The following LRRTM4 variants were observed in gnomAD, a reference collection of about 807,000 sequenced individuals.
The protein encoded by LRRTM4 is leucine-rich repeat transmembrane neuronal protein 4.
A neutral mutation model predicts 47.6 loss-of-function variants in LRRTM4; 25 were observed. That is an observed-to-expected ratio of 0.53 (90% CI 0.38 to 0.73). The LOEUF (loss-of-function observed/expected upper bound fraction) is 0.73. Ranked by LOEUF, LRRTM4 falls within the 30% of genes least tolerant of loss-of-function variation. The probability of loss-of-function intolerance (pLI) is 0.00; values close to 1 mark genes in which losing one functional copy is unlikely to be tolerated. For synonymous variants in LRRTM4, 311 were observed against 269.5 expected (o/e 1.15, Z -1.51); for missense variants, 638 against 713.4 (o/e 0.89, Z 1.20).
At chr2:77,305,904 GAAGGC>G (rs1677257755) in intron 3 of LRRTM4, among the ~76,000 whole-genome samples, 2 of 151,934 alleles carry the variant, frequency 1.3e-5, no homozygotes, top group Non-Finnish European at 2.9e-5. Flanking sequence ...ACAATATTTT[GAAGGC>G]ATACATAAGC....
At chr2:77,435,161 G>T (rs1360583777) in intron 3 of LRRTM4, among the ~76,000 whole-genome samples, 1 of 151,874 alleles carries the variant, frequency 6.6e-6, no homozygotes, top group Non-Finnish European at 1.5e-5. Flanking sequence ...TCTCTGGGGG[G>T]CAAAAGAGCC....
intron 3 of LRRTM4, among the ~76,000 whole-genome samples, chr2:76,844,304 T>C (rs993278100): frequency 2.0e-5 from 3 of 151,882 alleles, no homozygotes; most frequent in Non-Finnish European, 4.4e-5. Context: ...CCGGCTAATT[T>C]TTTTGTATTT....
At chr2:77,375,875 A>G (rs538736545) in intron 3 of LRRTM4, among the ~76,000 whole-genome samples, 1 of 151,930 alleles carries the variant, frequency 6.6e-6, no homozygotes, top group African/African-American at 2.4e-5. Flanking sequence ...GGCTATAGAA[A>G]TCACCTTGCA....
At chr2:77,423,385 C>T (rs187536678) in intron 3 of LRRTM4, among the ~76,000 whole-genome samples, 76 of 152,086 alleles carry the variant, frequency 5.0e-4, no homozygotes, top group African/African-American at 1.7e-3. Context: ...ATTACTGATA[C>T]ATGAAGACAA....
intron 3 of LRRTM4, among the ~76,000 whole-genome samples, chr2:77,413,625 C>T (rs949938365): frequency 6.6e-6 from 1 of 152,024 alleles, no homozygotes; most frequent in African/African-American, 2.4e-5. Flanking sequence ...TTTCTCACAG[C>T]AAATATGGGA....
intron 3 of LRRTM4, among the ~76,000 whole-genome samples, chr2:77,226,401 T>G (rs1674809223): frequency 6.6e-6 from 1 of 151,694 alleles, no homozygotes; most frequent in African/African-American, 2.4e-5. Flanking sequence ...CATGAGAGCA[T>G]AGAAATATAT....
At chr2:76,920,798 C>T (rs1159492473) in intron 3 of LRRTM4, among the ~76,000 whole-genome samples, 1 of 152,012 alleles carries the variant, frequency 6.6e-6, no homozygotes, top group African/African-American at 2.4e-5. Flanking sequence ...GCTAAAGCCC[C>T]ATTATTATAG....
chr2:77,391,916 G>A lies in LRRTM4; in HGVS notation c.1551+126402C>T, dbSNP rs531351756. The stretch of plus-strand genomic sequence containing the variant: ...ACCAACTCCAGCCTGACTCTGGTAC[G>A]GCAACATATAATAGATAACAGACCC... On this transcript the variant is annotated intron_variant, in intron 3 of 3. Transcript: ENST00000409884. Among the ~76,000 whole-genome samples the A allele has an allele frequency of 2.8e-4, 42 of 151,958 alleles. 1 individual carries two copies. The highest frequency in any genetic ancestry group is 8.4e-4 in the African/African-American group (35 of 41,484).
chr2:77,305,774 TTA>T (rs1285870628), intron 3 of LRRTM4, among the ~76,000 whole-genome samples: 5 of 152,142 alleles, frequency 3.3e-5, no homozygotes, highest in East Asian at 1.9e-4. Flanking sequence ...GTGCAAAGTA[TTA>T]TGTTTAAATA....
intron 3 of LRRTM4, among the ~76,000 whole-genome samples, chr2:77,493,915 T>C (rs1678261992): frequency 6.6e-6 from 1 of 152,100 alleles, no homozygotes; most frequent in Non-Finnish European, 1.5e-5. Context: ...CACAAAATAC[T>C]TAATATTTAA....
chr2:76,790,679 A>G (rs1280088064), intron 3 of LRRTM4, among the ~76,000 whole-genome samples: 1 of 152,046 alleles, frequency 6.6e-6, no homozygotes, highest in African/African-American at 2.4e-5. Context: ...AGTATCTTGT[A>G]GTGTTACTTA....
chr2:77,305,622 A>T (rs1677249981), intron 3 of LRRTM4, among the ~76,000 whole-genome samples: 1 of 152,164 alleles, frequency 6.6e-6, no homozygotes, highest in South Asian at 2.1e-4. Flanking sequence ...ATGTTTTAAA[A>T]TTTTCATTGC....
At chr2:76,824,238 T>C (rs562857969) in intron 3 of LRRTM4, among the ~76,000 whole-genome samples, 1 of 151,718 alleles carries the variant, frequency 6.6e-6, no homozygotes, top group African/African-American at 2.4e-5. Context: ...TCCGTTTGTA[T>C]AATCTTTCAA....
Position 76,775,524 on chromosome 2 carries a change from A to AT in LRRTM4, c.1552-26609dup, listed in dbSNP as rs559481030. Among the ~76,000 whole-genome samples, 13 of 152,264 alleles carry AT rather than the reference A, an allele frequency of 8.5e-5. No individual in the cohort carries two copies. In the East Asian group the frequency reaches 2.1e-3, roughly 25 times the overall value. ...TATTTTTTGACAATAGGGACAAATC[A>AT]TCAATAGAATCAATTTAAAAAAAGA... On this transcript the variant is annotated intron_variant, in intron 3 of 3. Transcript: ENST00000409884.
chr2:77,268,851 C>A (rs1194418911), intron 3 of LRRTM4, among the ~76,000 whole-genome samples: 1 of 152,054 alleles, frequency 6.6e-6, no homozygotes, highest in East Asian at 1.9e-4. Flanking sequence ...GGTTTCTGGA[C>A]CAGAAACAAC....
At chr2:77,516,661 G>A in intron 3 of LRRTM4, 1 of 980,224 alleles carries the variant, frequency 1.0e-6, no homozygotes, top group Non-Finnish European at 1.2e-6. Context: ...AGCCTTGTTA[G>A]ACTTTTATAG....
chr2:77,451,224 A>G (rs1342323007), intron 3 of LRRTM4, among the ~76,000 whole-genome samples: 5 of 152,134 alleles, frequency 3.3e-5, no homozygotes, highest in South Asian at 4.1e-4. Context: ...AATGTATTCT[A>G]TGTATTTCAT....
chr2:77,507,184 G>T (rs367651123), intron 3 of LRRTM4, among the ~76,000 whole-genome samples: 3 of 151,860 alleles, frequency 2.0e-5, no homozygotes, highest in African/African-American at 7.2e-5. Flanking sequence ...AATTATACTC[G>T]TTCATATCTC....
At chr2:77,062,312 A>G (rs930064489) in intron 3 of LRRTM4, among the ~76,000 whole-genome samples, 2 of 152,216 alleles carry the variant, frequency 1.3e-5, no homozygotes, top group African/African-American at 4.8e-5. Flanking sequence ...ATCAAAAAGC[A>G]TATGTCAGGG....
Sources: allele counts gnomAD v4.1 joint callset (sites outside exome capture counted in the v4.1 genomes callset), GRCh38; gene constraint gnomAD v4.1.1; transcripts MANE v1.5; gene names NCBI Gene and HGNC (gene_info 2026-07-23, HGNC 2026-07-21).